The following STPG2 variants were observed in gnomAD, a reference collection of about 807,000 sequenced individuals.
STPG2 encodes sperm tail PG-rich repeat containing 2.
A neutral mutation model predicts 54.2 loss-of-function variants in STPG2; 56 were observed. That is an observed-to-expected ratio of 1.03 (90% CI 0.83 to 1.29). STPG2 has a LOEUF of 1.29. Ranked by LOEUF, STPG2 falls within the 50% of genes most tolerant of loss-of-function variation. STPG2 has a pLI of 0.00. For synonymous variants in STPG2, 200 were observed against 181.8 expected (o/e 1.10, Z -0.81); for missense variants, 596 against 544.9 (o/e 1.09, Z -0.93).
intron 8 of STPG2, among the ~76,000 whole-genome samples, chr4:97,901,076 T>C (rs1003360678): frequency 1.3e-5 from 2 of 151,860 alleles, no homozygotes; most frequent in African/African-American, 4.8e-5. Flanking sequence ...ACATATTGAA[T>C]AAACAAACAA....
chr4:97,973,513 A>G (rs969974218), intron 6 of STPG2, among the ~76,000 whole-genome samples: 1 of 152,228 alleles, frequency 6.6e-6, no homozygotes, highest in Non-Finnish European at 1.5e-5. Flanking sequence ...TGGCTGCAGA[A>G]ATTTGCATAA....
chr4:97,789,721 G>T (rs1726934009), intron 9 of STPG2, among the ~76,000 whole-genome samples: 1 of 152,094 alleles, frequency 6.6e-6, no homozygotes, highest in African/African-American at 2.4e-5. Context: ...TATAAGGCTT[G>T]TTAGATGTCA....
intron 8 of STPG2, among the ~76,000 whole-genome samples, chr4:97,883,646 G>A (rs1730459933): frequency 6.6e-6 from 1 of 151,962 alleles, no homozygotes; most frequent in African/African-American, 2.4e-5. Context: ...CATTAGACTC[G>A]ACAGAGCCAA....
At chr4:98,125,823 T>C (rs575594518) in intron 3 of STPG2, among the ~76,000 whole-genome samples, 1 of 152,352 alleles carries the variant, frequency 6.6e-6, no homozygotes, top group Non-Finnish European at 1.5e-5. Flanking sequence ...CCAGGGGCTC[T>C]GTCCCAGGGA....
intron 4 of STPG2, among the ~76,000 whole-genome samples, chr4:97,549,466 C>T (rs1467410826): frequency 6.6e-6 from 1 of 152,046 alleles, no homozygotes; most frequent in Non-Finnish European, 1.5e-5. Context: ...GTGCAAATGC[C>T]TAGATTCAAG....
chr4:97,943,879 T>C lies in STPG2; in HGVS notation c.1044+18A>G, dbSNP rs779229450. The C allele has an allele frequency of 2.0e-6, 3 of 1,468,108 alleles. No individual in the cohort carries two copies. The highest frequency in any genetic ancestry group is 2.4e-5 in the Admixed American group (1 of 41,848). The allele number at this position is 1,468,108 out of a possible 1,614,324, so 90.9% of individuals were successfully genotyped here. ...ATTTCTAGATAATGAAAATATTTGA[T>C]TGTAGGAGTATTCTTACCATATCTG... On this transcript the variant is annotated intron_variant, in intron 8 of 10. Coordinates refer to ENST00000295268, the MANE Select transcript of STPG2 (RefSeq NM_174952.3).
At chr4:97,578,102 CTTTTTT>C (rs10571752) in intron 10 of STPG2, among the ~76,000 whole-genome samples, 1 of 115,980 alleles carries the variant, frequency 8.6e-6, no homozygotes, top group Non-Finnish European at 1.8e-5. Context: ...TTCTTTCTTT[CTTTTTT>C]TTTTTTTTTT....
chr4:97,734,340 C>T (rs1266870899), intron 9 of STPG2, among the ~76,000 whole-genome samples: 2 of 152,056 alleles, frequency 1.3e-5, no homozygotes, highest in East Asian at 1.9e-4. Flanking sequence ...GTTATGAGTG[C>T]TTGTTACACA....
At chr4:97,931,568 G>A (rs1005371812) in intron 8 of STPG2, among the ~76,000 whole-genome samples, 2 of 152,156 alleles carry the variant, frequency 1.3e-5, no homozygotes, top group East Asian at 3.8e-4. Context: ...TAGATATGCT[G>A]CTGGATTCAG....
At chr4:97,495,445 GT>G (rs1408984234) in intron 4 of STPG2, among the ~76,000 whole-genome samples, 1 of 151,104 alleles carries the variant, frequency 6.6e-6, no homozygotes, top group Non-Finnish European at 1.5e-5. Flanking sequence ...TATAGTATTC[GT>G]TTTTATGTGA....
rs772280874 is a variant in STPG2, at chr4:97,943,881, G to T, written c.1044+16C>A. On this transcript the variant is annotated intron_variant, in intron 8 of 10. Transcript: ENST00000295268. ...TTCTAGATAATGAAAATATTTGATT[G>T]TAGGAGTATTCTTACCATATCTGGT... 6.8e-7 allele frequency: 1 copy of T among 1,480,732 alleles called. No individual in the cohort carries two copies. The highest frequency in any genetic ancestry group is 9.1e-7 in the Non-Finnish European group (1 of 1,104,574). 91.7% of individuals were successfully genotyped at this position (1,480,732 alleles called of 1,614,324 possible). A position where few individuals can be genotyped will look rare whatever the true frequency, so the allele number is the denominator to read the frequency against.
chr4:97,545,681 T>A (rs1404109682), intron 4 of STPG2, among the ~76,000 whole-genome samples: 1 of 152,038 alleles, frequency 6.6e-6, no homozygotes, highest in African/African-American at 2.4e-5. Context: ...TCAAAATTTA[T>A]AAAAAATAAT....
intron 5 of STPG2, among the ~76,000 whole-genome samples, chr4:98,006,506 A>G (rs1735579263): frequency 6.6e-6 from 1 of 152,198 alleles, no homozygotes; most frequent in African/African-American, 2.4e-5. Context: ...TCAAGCTGGG[A>G]AGAATTTAGC....
At chr4:97,698,160 C>T (rs1318606409) in intron 10 of STPG2, among the ~76,000 whole-genome samples, 4 of 152,034 alleles carry the variant, frequency 2.6e-5, no homozygotes, top group East Asian at 1.9e-4. Context: ...CTCAGCAGGT[C>T]GTGGTTATTT....
chr4:97,607,226 A>G lies in STPG2; in HGVS notation c.1321-48109T>C, dbSNP rs181923054. ...GCTGCTGCTGCTGCTACAGAATCCAATGCCTCAGAATATTTTATCTCAGCT... is the reference window on the plus strand; with the variant it reads ...GCTGCTGCTGCTGCTACAGAATCCAGTGCCTCAGAATATTTTATCTCAGCT... On this transcript the variant is annotated intron_variant, in intron 10 of 10. Transcript: ENST00000295268. Among the ~76,000 whole-genome samples, 5 of 152,012 alleles carry G rather than the reference A, an allele frequency of 3.3e-5. No individual in the cohort carries two copies. In the South Asian group the frequency reaches 6.2e-4, roughly 19 times the overall value.
intron 10 of STPG2, among the ~76,000 whole-genome samples, chr4:97,571,546 C>G (rs1189148755): frequency 1.3e-5 from 2 of 152,166 alleles, no homozygotes; most frequent in Non-Finnish European, 2.9e-5. Flanking sequence ...CCTCTTATAG[C>G]AACCCAGACA....
intron 9 of STPG2, among the ~76,000 whole-genome samples, chr4:97,728,421 T>G (rs1724686837): frequency 6.6e-6 from 1 of 152,080 alleles, no homozygotes; most frequent in African/African-American, 2.4e-5. Context: ...AAATTTCCTA[T>G]GAAGCAAAAA....
At chr4:98,041,510 T>C (rs1736956167) in intron 5 of STPG2, among the ~76,000 whole-genome samples, 1 of 151,934 alleles carries the variant, frequency 6.6e-6, no homozygotes, top group South Asian at 2.1e-4. Flanking sequence ...GTGTTCCTTC[T>C]ATGCCTAGTT....
At chr4:98,058,654 T>C (rs918233593) in intron 5 of STPG2, among the ~76,000 whole-genome samples, 80 of 152,030 alleles carry the variant, frequency 5.3e-4, no homozygotes, top group African/African-American at 1.9e-3. Flanking sequence ...AGACAGTTCA[T>C]TGAGACAGAA....
Sources: gnomAD v4.1 joint callset for allele counts (sites outside exome capture counted in the v4.1 genomes callset) on GRCh38, gnomAD v4.1.1 for gene constraint, MANE v1.5 for transcripts, NCBI Gene and HGNC (gene_info 2026-07-23, HGNC 2026-07-21) for gene names.